Variants in PDSS2 observed in about 807,000 individuals in gnomAD.
PDSS2 encodes the protein all trans-polyprenyl-diphosphate synthase PDSS2.
In PDSS2, 31 loss-of-function variants were observed where a neutral mutation model predicts 44.5. That is an observed-to-expected ratio of 0.70 (90% CI 0.52 to 0.94). The LOEUF is 0.94. PDSS2 is among the 40% of genes least tolerant of loss of function. The pLI, the probability that PDSS2 is intolerant of heterozygous loss-of-function variation, is 0.00. For synonymous variants in PDSS2, 157 were observed against 180.3 expected, an observed-to-expected ratio of 0.87 and a Z score of 1.03; for missense variants, 452 against 482.2, an observed-to-expected ratio of 0.94 and a Z score of 0.59.
At position 107,347,509 on chromosome 6, in the gene PDSS2, C is replaced by T. The variant is rs185136997; in HGVS notation, c.297-13177G>A. ...TGAACTCCTGACCTCGTGATCTGCT[C>T]GCCTCGGCCTCCCAAAGTGCTGAGA... On this transcript the variant is annotated intron_variant, in intron 1 of 7. Transcript: ENST00000369037. 6.1e-3 allele frequency among the ~76,000 whole-genome samples: 935 copies of T among 152,094 alleles called. 5 individuals are homozygous for T. The highest frequency in any genetic ancestry group is 0.011 in the Non-Finnish European group (728 of 67,964).
In PDSS2 at chr6:107,340,216, T is replaced by A. The variant is rs1455414461; in HGVS notation, c.297-5884A>T. Among the ~76,000 whole-genome samples, 4 of 152,218 alleles carry A rather than the reference T, an allele frequency of 2.6e-5. No individual in the cohort carries two copies. The East Asian group carries it at 5.8e-4, about 22-fold the overall frequency. The stretch of plus-strand genomic sequence containing the variant: ...ATTCTAAATATGTTTGTAAGTTGAA[T>A]TTTAGGTGGGGAGATCTTGGCCTCC... On this transcript the variant is annotated intron_variant, in intron 1 of 7. Transcript: ENST00000369037.
At chr6:107,243,430 A>C (rs552960591) in intron 4 of PDSS2, among the ~76,000 whole-genome samples, 5 of 152,378 alleles carry the variant, frequency 3.3e-5, no homozygotes, top group African/African-American at 1.2e-4. Flanking sequence ...TTATTAATGA[A>C]CTGAGCTTAT....
At chr6:107,424,729 G>C (rs556079819) in intron 1 of PDSS2, among the ~76,000 whole-genome samples, 1 of 152,142 alleles carries the variant, frequency 6.6e-6, no homozygotes, top group Non-Finnish European at 1.5e-5. Context: ...AAAGTGAAAC[G>C]ACCATCATTT....
chr6:107,456,199 T>C (rs999207681), intron 1 of PDSS2, among the ~76,000 whole-genome samples: 4 of 152,034 alleles, frequency 2.6e-5, no homozygotes, highest in Admixed American at 6.5e-5. Context: ...CGGGCGCCTA[T>C]AATCCCAGGT....
At position 107,154,552 on chromosome 6, in the gene PDSS2, C is replaced by T. The variant is rs782558407; in HGVS notation, c.*67G>A. 46 of 1,444,382 alleles carry T rather than the reference C, an allele frequency of 3.2e-5. No individual in the cohort carries two copies. The highest frequency in any genetic ancestry group is 1.7e-4 in the Middle Eastern group (1 of 5,766). 89.5% of individuals were successfully genotyped at this position (1,444,382 alleles called of 1,614,324 possible). A position where few individuals can be genotyped will look rare whatever the true frequency, so the allele number is the denominator to read the frequency against. Reference sequence around the variant, plus strand: ...AAAAGTCATTAACGCATCGTGAAAGCGCTCCCAATCAACCTCATTCCCTAG... The same window carrying T: ...AAAAGTCATTAACGCATCGTGAAAGTGCTCCCAATCAACCTCATTCCCTAG... On this transcript the variant is annotated 3_prime_UTR_variant, in exon 8 of 8. Transcript: ENST00000369037.
At chr6:107,193,143 A>G (rs1026531751) in intron 7 of PDSS2, among the ~76,000 whole-genome samples, 1 of 152,220 alleles carries the variant, frequency 6.6e-6, no homozygotes, top group Non-Finnish European at 1.5e-5. Context: ...CTAGGCCTGT[A>G]CTGATGCACT....
chr6:107,262,248 C>T (rs1352207532), intron 3 of PDSS2, among the ~76,000 whole-genome samples: 2 of 152,074 alleles, frequency 1.3e-5, no homozygotes, highest in Non-Finnish European at 2.9e-5. Context: ...AACAGCCTAA[C>T]ACACTGTTCA....
At chr6:107,309,231 T>G (rs957394153) in intron 2 of PDSS2, among the ~76,000 whole-genome samples, 3 of 152,236 alleles carry the variant, frequency 2.0e-5, no homozygotes, top group Non-Finnish European at 2.9e-5. Flanking sequence ...TAATTTCACC[T>G]GCACATTTTC....
intron 7 of PDSS2, among the ~76,000 whole-genome samples, chr6:107,172,493 T>C (rs1281004586): frequency 6.6e-6 from 1 of 151,742 alleles, no homozygotes; most frequent in East Asian, 2.0e-4. Flanking sequence ...GAGGCAGAGG[T>C]TGCAGTGAGC....
At chr6:107,356,044 A>G (rs535497597) in intron 1 of PDSS2, among the ~76,000 whole-genome samples, 1 of 152,362 alleles carries the variant, frequency 6.6e-6, no homozygotes, top group Non-Finnish European at 1.5e-5. Context: ...CTGAAGAAAA[A>G]GGCACTATTA....
chr6:107,219,990 C>T (rs1463822927), intron 4 of PDSS2, among the ~76,000 whole-genome samples: 1 of 152,092 alleles, frequency 6.6e-6, no homozygotes, highest in African/African-American at 2.4e-5. Flanking sequence ...AAACATTATG[C>T]TAAGTGGAAG....
intron 3 of PDSS2, among the ~76,000 whole-genome samples, chr6:107,256,943 A>C (rs1775043584): frequency 6.6e-6 from 1 of 152,010 alleles, no homozygotes; most frequent in African/African-American, 2.4e-5. Context: ...ACTTTGGGAG[A>C]CCGAGGCAGG....
intron 3 of PDSS2, among the ~76,000 whole-genome samples, chr6:107,268,275 T>C (rs763106043): frequency 9.2e-5 from 14 of 152,200 alleles, no homozygotes; most frequent in Admixed American, 3.3e-4. Context: ...GAATACTATA[T>C]AATTTATCAT....
chr6:107,374,245 C>T (rs1010480562), intron 1 of PDSS2, among the ~76,000 whole-genome samples: 3 of 126,606 alleles, frequency 2.4e-5, no homozygotes, highest in African/African-American at 8.7e-5. Context: ...CAGAGCAAGA[C>T]TCCATCACAA....
intron 2 of PDSS2, among the ~76,000 whole-genome samples, chr6:107,311,928 CTAA>C (rs1777058231): frequency 6.6e-6 from 1 of 152,214 alleles, no homozygotes; most frequent in African/African-American, 2.4e-5. Context: ...ACTATCACCA[CTAA>C]TGTTTGTACA....
chr6:107,175,790 A>G (rs1201186350), intron 7 of PDSS2, among the ~76,000 whole-genome samples: 2 of 152,328 alleles, frequency 1.3e-5, no homozygotes, highest in African/African-American at 4.8e-5. Context: ...CAATTGATTA[A>G]GTATATTCTT....
intron 7 of PDSS2, among the ~76,000 whole-genome samples, chr6:107,177,677 C>T (rs1281222048): frequency 6.6e-6 from 1 of 152,132 alleles, no homozygotes; most frequent in Non-Finnish European, 1.5e-5. Context: ...CTTAATTCTA[C>T]ACATTGAAAT....
At position 107,187,455 on chromosome 6, in the gene PDSS2, G is replaced by A. The variant is rs142379054; in HGVS notation, c.1041+6367C>T. On this transcript the variant is annotated intron_variant, in intron 7 of 7. Coordinates refer to ENST00000369037, the MANE Select transcript of PDSS2 (RefSeq NM_020381.4). ...CGAGGTGGGCAGATCACCTGAGGTC[G>A]GGAGTTTGAGACCAGCCTGACCAAC... Among the ~76,000 whole-genome samples, 700 of 152,094 alleles carry A rather than the reference G, an allele frequency of 4.6e-3. 21 individuals carry two copies. Among genetic ancestry groups the A allele is most frequent in the Admixed American group, 0.038 (575 of 15,280 alleles).
intron 2 of PDSS2, among the ~76,000 whole-genome samples, chr6:107,330,637 C>T (rs1777684878): frequency 6.6e-6 from 1 of 152,034 alleles, no homozygotes; most frequent in Non-Finnish European, 1.5e-5. Flanking sequence ...CTTTTGTACA[C>T]AAAATAAAAC....
Sources: gnomAD v4.1 joint callset for allele counts (sites outside exome capture counted in the v4.1 genomes callset) on GRCh38, gnomAD v4.1.1 for gene constraint, MANE v1.5 for transcripts, NCBI Gene and HGNC (gene_info 2026-07-23, HGNC 2026-07-21) for gene names.